The following DOT1L variants were observed in gnomAD, a reference collection of about 807,000 sequenced individuals.
DOT1L encodes DOT1 like histone lysine methyltransferase.
DOT1L carries 33 observed loss-of-function variants against 153.3 expected under a neutral mutation model. The ratio of observed to expected loss-of-function variants is 0.22; its 90% CI spans 0.16 to 0.29. The LOEUF is 0.29. Ranked by LOEUF, DOT1L falls within the 10% of genes least tolerant of loss-of-function variation. DOT1L has a pLI of 1.00. For synonymous variants in DOT1L, 1,135 were observed against 965.1 expected, an observed-to-expected ratio of 1.18 and a Z score of -3.26; for missense variants, 1,847 against 2,119.9, an observed-to-expected ratio of 0.87 and a Z score of 2.53.
chr19:2,216,943 T>G lies in DOT1L; in HGVS notation c.2409-12T>G. The G allele has an allele frequency of 6.2e-7, 1 of 1,602,180 alleles. No homozygotes were observed. Among genetic ancestry groups the G allele is most frequent in the African/African-American group, 1.3e-5 (1 of 74,820 alleles). On this transcript the variant is annotated splice_polypyrimidine_tract_variant and intron_variant, in intron 20 of 27. Transcript: ENST00000398665. Reference sequence around the variant, plus strand: ...CACGGCCCTCGAGAGTGACTGCAGCTTCTCATTCCAGAGCTGAGCACACCA... The same window carrying G: ...CACGGCCCTCGAGAGTGACTGCAGCGTCTCATTCCAGAGCTGAGCACACCA...
chr19:2,214,389 C>T (rs1305186545), intron 18 of DOT1L, 82 bp from the exon 19 acceptor site: 3 of 1,558,820 alleles, frequency 1.9e-6, no homozygotes, highest in African/African-American at 2.7e-5. Flanking sequence ...TGAGGCAGGC[C>T]CAGGGAACCC....
intron 1 of DOT1L, chr19:2,164,594 G>T: frequency 6.3e-6 from 1 of 159,808 alleles, no homozygotes; most frequent in Non-Finnish European, 1.1e-5. Context: ...AAGCCCGCCC[G>T]CCCGCCCCGC....
rs146279940 is a variant in DOT1L, at chr19:2,193,171, C to A, written c.494-518C>A. ...GGGTTGTGTGCTGATGCTGTGAAACCGCAGCGGCCGGGAGACTGTCCTGGC... is the reference window on the plus strand; with the variant it reads ...GGGTTGTGTGCTGATGCTGTGAAACAGCAGCGGCCGGGAGACTGTCCTGGC... On this transcript the variant is annotated intron_variant, in intron 5 of 27. Coordinates refer to ENST00000398665, the MANE Select transcript of DOT1L (RefSeq NM_032482.3). This position sits in a 1 kb window ranked among gnomAD's most constrained non-coding sequence, Gnocchi z 5.9. 6.6e-6 allele frequency among the ~76,000 whole-genome samples: 1 copy of A among 152,188 alleles called. No individual in the cohort carries two copies. Among genetic ancestry groups the A allele is most frequent in the Non-Finnish European group, 1.5e-5 (1 of 68,038 alleles).
intron 19 of DOT1L, chr19:2,215,868 GC>G (rs2023879048): frequency 6.1e-6 from 1 of 164,214 alleles, no homozygotes; most frequent in South Asian, 2.0e-4. Flanking sequence ...AGAAAGGAAA[GC>G]AGGTAAACAG....
At chr19:2,186,217 G>C (rs767920671) in intron 3 of DOT1L, among the ~76,000 whole-genome samples, 1 of 152,272 alleles carries the variant, frequency 6.6e-6, no homozygotes, top group Non-Finnish European at 1.5e-5. Flanking sequence ...TATAGCGGGC[G>C]GCTGACGGCC....
chr19:2,222,343 G>A lies in DOT1L; in HGVS notation c.3174G>A (p.Gln1058=). 3 of 1,612,722 alleles carry A rather than the reference G, an allele frequency of 1.9e-6. No individual in the cohort carries two copies. The highest frequency in any genetic ancestry group is 2.5e-6 in the Non-Finnish European group (3 of 1,179,824). Residue 1058 remains glutamine (Q), a synonymous_variant, in exon 24 of 28, where the codon CAG becomes CAA. Transcript: ENST00000398665. The surrounding 1 kb of genome is among the most constrained non-coding windows in gnomAD (Gnocchi z 6.5). ...CCACTGGTGCGGGCAGTGCCAAGCAGTCGCCCTCCAGCAAGCACAGCCCCC... is the reference window on the plus strand; with the variant it reads ...CCACTGGTGCGGGCAGTGCCAAGCAATCGCCCTCCAGCAAGCACAGCCCCC... ...TITTGAGSAK[Q]SPSSKHSPLT...
At chr19:2,185,200 G>A (rs1198258601) in intron 2 of DOT1L, among the ~76,000 whole-genome samples, 1 of 152,100 alleles carries the variant, frequency 6.6e-6, no homozygotes, top group Non-Finnish European at 1.5e-5. Flanking sequence ...CACCGCACCC[G>A]GCACCAGTTG....
At chr19:2,188,094 T>G (rs2022619856) in intron 3 of DOT1L, 1 of 152,254 alleles carries the variant, frequency 6.6e-6, no homozygotes, top group African/African-American at 2.4e-5. Flanking sequence ...TCCTTCGTCC[T>G]CCGGAGGATC....
chr19:2,199,620 C>G (rs1014403929), intron 7 of DOT1L, among the ~76,000 whole-genome samples: 1 of 152,224 alleles, frequency 6.6e-6, no homozygotes, highest in African/African-American at 2.4e-5. Flanking sequence ...GTCCCCTTGG[C>G]TGGGCCTGGC....
At chr19:2,188,084 T>C (rs2022619402) in intron 3 of DOT1L, 2 of 152,336 alleles carry the variant, frequency 1.3e-5, no homozygotes, top group African/African-American at 4.8e-5. Context: ...CACCCCCGTG[T>C]CCTTCGTCCT....
Position 2,207,158 on chromosome 19 carries a change from C to T in DOT1L, c.856+361C>T, listed in dbSNP as rs528851624. The stretch of plus-strand genomic sequence containing the variant: ...GAGCCGGCCCCTCCCATGCCCCCTG[C>T]CTGCCTTACTGTGCTGCGTGCTCTG... On this transcript the variant is annotated intron_variant, in intron 10 of 27. Coordinates refer to ENST00000398665, the MANE Select transcript of DOT1L (RefSeq NM_032482.3). The surrounding 1 kb of genome is among the most constrained non-coding windows in gnomAD (Gnocchi z 4.5). Among the ~76,000 whole-genome samples the T allele has an allele frequency of 6.6e-6, 1 of 152,328 alleles. No homozygotes were observed. The highest frequency in any genetic ancestry group is 1.9e-4 in the East Asian group (1 of 5,184).
intron 15 of DOT1L, 58 bp downstream of exon 15, chr19:2,211,270 AC>A: frequency 6.9e-7 from 1 of 1,458,512 alleles, no homozygotes; most frequent in Non-Finnish European, 9.3e-7. Flanking sequence ...TCCCAGGAGG[AC>A]CGTGGGTTGT....
chr19:2,164,347 C>G, intron 1 of DOT1L, 82 bp downstream of exon 1: 1 of 995,850 alleles, frequency 1.0e-6, no homozygotes, highest in Non-Finnish European at 1.3e-6. Flanking sequence ...CCCCCCAAGC[C>G]GCGCTCACCG....
intron 26 of DOT1L, 118 bp downstream of exon 26, chr19:2,225,570 C>A: frequency 8.8e-7 from 1 of 1,139,460 alleles, no homozygotes; most frequent in Non-Finnish European, 1.3e-6. Flanking sequence ...TGCTGGCCCG[C>A]TGCGTCGTGT....
chr19:2,206,227 C>A (rs1467780783), intron 9 of DOT1L, among the ~76,000 whole-genome samples: 3 of 151,970 alleles, frequency 2.0e-5, no homozygotes, highest in Non-Finnish European at 4.4e-5. Flanking sequence ...CTCGGGTGAT[C>A]CACCTGCCTC....
intron 2 of DOT1L, among the ~76,000 whole-genome samples, chr19:2,182,849 A>T (rs1199791698): frequency 6.6e-6 from 1 of 152,000 alleles, no homozygotes; most frequent in Non-Finnish European, 1.5e-5. Flanking sequence ...CTCGGAGCTG[A>T]CTGTCTTGTT....
Position 2,202,681 on chromosome 19 carries a change from C to G in DOT1L, c.708-19C>G, listed in dbSNP as rs751938201. The G allele has an allele frequency of 6.2e-7, 1 of 1,612,812 alleles. No homozygotes were observed. The highest frequency in any genetic ancestry group is 1.1e-5 in the South Asian group (1 of 91,078). On this transcript the variant is annotated intron_variant, in intron 8 of 27. Transcript: ENST00000398665. The stretch of plus-strand genomic sequence containing the variant: ...TGAGACGAGCCTTCATGGCACTGAA[C>G]TGGAGTATTGTTTTGCAGTGTTATA...
At position 2,190,937 on chromosome 19, in the gene DOT1L, G is replaced by A; in HGVS notation, c.265-75G>A. On this transcript the variant is annotated intron_variant, in intron 4 of 27. Coordinates refer to ENST00000398665, the MANE Select transcript of DOT1L (RefSeq NM_032482.3). The surrounding 1 kb of genome is among the most constrained non-coding windows in gnomAD (Gnocchi z 4.8). ...CCGACTCCCTGCTTCCGCTGGGAAA[G>A]GTCCCGGGTCTTGGTGGTGGAGGGG... The A allele has an allele frequency of 1.4e-6, 2 of 1,388,626 alleles. No homozygotes were observed. Among genetic ancestry groups the A allele is most frequent in the East Asian group, 5.1e-5 (2 of 39,498 alleles). The allele number at this position is 1,388,626 out of a possible 1,614,324, so 86.0% of individuals were successfully genotyped here.
In DOT1L at chr19:2,226,282, C is replaced by T. The variant is rs1420787211; in HGVS notation, c.3761C>T (p.Ala1254Val). 1 of 1,598,206 alleles carries T rather than the reference C, an allele frequency of 6.3e-7. No homozygotes were observed. Among genetic ancestry groups the T allele is most frequent in the Non-Finnish European group, 8.5e-7 (1 of 1,172,234 alleles). The change falls in exon 27 of 28, where the codon GCC becomes GTC. Residue 1254 changes from alanine to valine, a missense_variant. Transcript: ENST00000398665. Reference protein sequence around the residue: ...TFSPISDIGLAKSADSPLQAS... With the variant: ...TFSPISDIGLVKSADSPLQAS... ...TCGCCCATCTCCGACATCGGCCTGGCCAAGTCGGCGGACAGCCCGCTGCAG... is the reference window on the plus strand; with the variant it reads ...TCGCCCATCTCCGACATCGGCCTGGTCAAGTCGGCGGACAGCCCGCTGCAG...
Sources: gnomAD v4.1 joint callset for allele counts (sites outside exome capture counted in the v4.1 genomes callset) on GRCh38, gnomAD v4.1.1 for gene constraint, Gnocchi (gnomAD v3.1) non-coding constraint, MANE v1.5 for transcripts, NCBI Gene and HGNC (gene_info 2026-07-23, HGNC 2026-07-21) for gene names.